CDK5RAP2: variants seen among roughly 807,000 people sequenced by gnomAD.
The protein encoded by CDK5RAP2 is CDK5 regulatory subunit-associated protein 2.
CDK5RAP2 carries 147 observed loss-of-function variants against 232.9 expected under a neutral mutation model. The observed-to-expected ratio is 0.63, with a 90% CI of 0.55 to 0.72. CDK5RAP2 has a LOEUF of 0.72. Ranked by LOEUF, CDK5RAP2 falls within the 30% of genes least tolerant of loss-of-function variation. The pLI is 0.00. For missense variants in CDK5RAP2, 2,195 were observed against 2,231.5 expected (o/e 0.98, Z 0.33); for synonymous variants, 833 against 833.7 (o/e 1.00, Z 0.01).
At chr9:120,551,574 AAG>A (rs2042043179) in intron 3 of CDK5RAP2, among the ~76,000 whole-genome samples, 1 of 152,212 alleles carries the variant, frequency 6.6e-6, no homozygotes, top group Non-Finnish European at 1.5e-5. Flanking sequence ...GTATCTAATC[AAG>A]AGGAGTCTAC....
At chr9:120,489,030 G>A (rs755900435) in intron 13 of CDK5RAP2, among the ~76,000 whole-genome samples, 7 of 152,208 alleles carry the variant, frequency 4.6e-5, no homozygotes, top group Non-Finnish European at 1.0e-4. Context: ...TCCAGCAAGA[G>A]TACATAGGAG....
intron 15 of CDK5RAP2, among the ~76,000 whole-genome samples, chr9:120,476,144 G>A (rs990819187): frequency 2.6e-5 from 4 of 151,818 alleles, no homozygotes. Flanking sequence ...AAGAGCAGAG[G>A]ACATATGAGA....
At chr9:120,450,993 G>A (rs1177464139) in intron 21 of CDK5RAP2, among the ~76,000 whole-genome samples, 1 of 152,194 alleles carries the variant, frequency 6.6e-6, no homozygotes, top group Admixed American at 6.5e-5. Context: ...TCAGCAAAGA[G>A]GGCTGGAAAA....
chr9:120,542,126 G>A (rs1035233059), intron 5 of CDK5RAP2, among the ~76,000 whole-genome samples: 1 of 152,192 alleles, frequency 6.6e-6, no homozygotes, highest in African/African-American at 2.4e-5. Context: ...AAGGGGAGTT[G>A]AGGGTATCAT....
chr9:120,389,251 G>A lies in CDK5RAP2; in HGVS notation c.5667C>T (p.Ser1889=), dbSNP rs1227011096. 6.2e-7 allele frequency: 1 copy of A among 1,612,908 alleles called. No individual in the cohort carries two copies. The highest frequency in any genetic ancestry group is 8.5e-7 in the Non-Finnish European group (1 of 1,179,452). ...GGAHPGTCSP[S]RPGS ...AAAGTTCTTCTCAGGAGCCTGGTCTGCTGGGACTGCATGTTCCTGGATGGG... is the reference window on the plus strand; with the variant it reads ...AAAGTTCTTCTCAGGAGCCTGGTCTACTGGGACTGCATGTTCCTGGATGGG... The change falls in exon 38 of 38, where the codon AGC becomes AGT. Residue 1889 remains serine, a synonymous_variant. Coordinates refer to ENST00000349780, the MANE Select transcript of CDK5RAP2 (RefSeq NM_018249.6).
At chr9:120,536,263 T>A in intron 7 of CDK5RAP2, 109 bp downstream of exon 7, 1 of 1,236,082 alleles carries the variant, frequency 8.1e-7, no homozygotes, top group South Asian at 1.3e-5. Flanking sequence ...TCAAGTCCTA[T>A]GGGAAACATG....
chr9:120,466,470 T>C (rs182230395), intron 18 of CDK5RAP2, among the ~76,000 whole-genome samples: 3 of 152,312 alleles, frequency 2.0e-5, no homozygotes, highest in Non-Finnish European at 2.9e-5. Context: ...CAAATCTCAG[T>C]TGGCTGATAT....
intron 11 of CDK5RAP2, among the ~76,000 whole-genome samples, chr9:120,523,201 T>C (rs1253061493): frequency 6.6e-6 from 1 of 152,230 alleles, no homozygotes; most frequent in African/African-American, 2.4e-5. Flanking sequence ...TAAAGTCTTT[T>C]GACTAAGACT....
chr9:120,449,373 C>T (rs2036366112), intron 21 of CDK5RAP2, among the ~76,000 whole-genome samples: 1 of 152,210 alleles, frequency 6.6e-6, no homozygotes, highest in Admixed American at 6.5e-5. Flanking sequence ...CCTCAGAGAA[C>T]CTTAGTATCA....
At chr9:120,434,473 G>C (rs1230899028) in intron 25 of CDK5RAP2, among the ~76,000 whole-genome samples, 1 of 152,160 alleles carries the variant, frequency 6.6e-6, no homozygotes, top group Non-Finnish European at 1.5e-5. Flanking sequence ...GACATGATCT[G>C]ACTTACATTT....
intron 15 of CDK5RAP2, among the ~76,000 whole-genome samples, chr9:120,477,002 T>C (rs1564274003): frequency 6.6e-6 from 1 of 152,212 alleles, no homozygotes; most frequent in Admixed American, 6.5e-5. Flanking sequence ...AACACAGGGA[T>C]AGCATTATTA....
chr9:120,515,644 T>C (rs2040300712), intron 12 of CDK5RAP2, among the ~76,000 whole-genome samples: 1 of 152,220 alleles, frequency 6.6e-6, no homozygotes, highest in African/African-American at 2.4e-5. Context: ...ACAAACAATT[T>C]GGCAACATAA....
Position 120,422,713 on chromosome 9 carries a change from G to A in CDK5RAP2, c.3984C>T (p.Thr1328=), listed in dbSNP as rs139226174. 26 of 1,612,834 alleles carry A rather than the reference G, an allele frequency of 1.6e-5. No individual in the cohort carries two copies. The African/African-American group carries it at 2.8e-4, about 17-fold the overall frequency. ...NGKSVGVEMN[T]QNELMERIEE... is the part of the protein sequence containing the mutation. ...CTCACCTCTCCATCAGTTCATTCTG[G>A]GTGTTCATTTCCACTCCAACTGATT... is the stretch of plus-strand genomic sequence containing the variant. The change falls in exon 26 of 38, where the codon ACC becomes ACT. Residue 1328 remains threonine, a synonymous_variant. Transcript: ENST00000349780.
At chr9:120,531,866 T>C (rs1327191786) in intron 7 of CDK5RAP2, among the ~76,000 whole-genome samples, 1 of 152,098 alleles carries the variant, frequency 6.6e-6, no homozygotes, top group Non-Finnish European at 1.5e-5. Flanking sequence ...CCAGAAAACC[T>C]GGAAAGAGGT....
chr9:120,507,283 C>T (rs924139359), intron 12 of CDK5RAP2, among the ~76,000 whole-genome samples: 7 of 152,196 alleles, frequency 4.6e-5, no homozygotes, highest in African/African-American at 7.2e-5. Context: ...TCGTAAGACT[C>T]GCTTTATTCC....
intron 14 of CDK5RAP2, among the ~76,000 whole-genome samples, chr9:120,480,235 C>T (rs79583729): frequency 0.056 from 8,570 of 152,202 alleles, 795 homozygotes; most frequent in African/African-American, 0.19. Flanking sequence ...AAAGCTAAGA[C>T]ATACCACCTA....
At chr9:120,486,411 A>T (rs2038605596) in intron 14 of CDK5RAP2, among the ~76,000 whole-genome samples, 1 of 119,726 alleles carries the variant, frequency 8.4e-6, no homozygotes, top group South Asian at 2.9e-4. Context: ...TTTTCTTTTA[A>T]AAAAAAAAAA....
At position 120,439,938 on chromosome 9, in the gene CDK5RAP2, G is replaced by T. The variant is rs773535327; in HGVS notation, c.3183C>A (p.Ser1061Arg). 1.2e-6 allele frequency: 2 copies of T among 1,614,094 alleles called. No homozygotes were observed. Among genetic ancestry groups the T allele is most frequent in the Non-Finnish European group, 1.7e-6 (2 of 1,180,020 alleles). Reference protein sequence around the residue: ...SEICPPDDLASLPSCKENPED... With the variant: ...SEICPPDDLARLPSCKENPED... ...CAGGATTTTCTTTGCATGATGGCAA[G>T]CTGGCAAGGTCATCAGGTGGGCAAA... The change falls in exon 24 of 38, where the codon AGC becomes AGA. Residue 1061 changes from serine to arginine, a missense_variant. By Grantham distance (110) the Ser-to-Arg change is moderately radical. Coordinates refer to ENST00000349780, the MANE Select transcript of CDK5RAP2 (RefSeq NM_018249.6).
chr9:120,527,197 T>A (rs1307257588), intron 10 of CDK5RAP2, among the ~76,000 whole-genome samples: 1 of 152,176 alleles, frequency 6.6e-6, no homozygotes, highest in Non-Finnish European at 1.5e-5. Flanking sequence ...CCACCTTGGA[T>A]CACAAAGGCA....
Sources: gnomAD v4.1 joint callset for allele counts (sites outside exome capture counted in the v4.1 genomes callset) on GRCh38, gnomAD v4.1.1 for gene constraint, MANE v1.5 for transcripts, NCBI Gene and HGNC (gene_info 2026-07-23, HGNC 2026-07-21) for gene names.